PPP1R1A: variants seen among roughly 807,000 people sequenced by gnomAD.
The protein encoded by PPP1R1A is protein phosphatase 1 regulatory inhibitor subunit 1A.
A neutral mutation model predicts 23.9 loss-of-function variants in PPP1R1A; 18 were observed. The ratio of observed to expected loss-of-function variants is 0.75; its 90% CI spans 0.52 to 1.12. The LOEUF is 1.12. Ranked by LOEUF, PPP1R1A falls within the 50% of genes most tolerant of loss-of-function variation. The pLI is 0.00. For missense variants in PPP1R1A, 207 were observed against 223.8 expected (o/e 0.92, Z 0.48); for synonymous variants, 84 against 80.7 (o/e 1.04, Z -0.22).
chr12:54,580,831 T>C (rs1957847752), intron 6 of PPP1R1A, 113 bp downstream of exon 6: 1 of 929,858 alleles, frequency 1.1e-6, no homozygotes, highest in African/African-American at 1.6e-5. Flanking sequence ...TTTTAGGGAC[T>C]GAAGCTGGTT....
In PPP1R1A at chr12:54,581,727, GT is replaced by G. The variant is rs1384654283; in HGVS notation, c.403+248del. On this transcript the variant is annotated intron_variant, in intron 5 of 6. Coordinates refer to ENST00000257905, the MANE Select transcript of PPP1R1A (RefSeq NM_006741.4). The surrounding 1 kb of genome is among the most constrained non-coding windows in gnomAD (Gnocchi z 4.1). ...GTGATTGCTGTTCCCATGAAGGTGG[GT>G]TTCCCCCATGTAGCCACAGTGGGGC... Among the ~76,000 whole-genome samples, 1 of 152,258 alleles carries G rather than the reference GT, an allele frequency of 6.6e-6. No individual in the cohort carries two copies. The highest frequency in any genetic ancestry group is 1.5e-5 in the Non-Finnish European group (1 of 68,048).
chr12:54,583,032 G>A (rs1957872512), intron 3 of PPP1R1A, among the ~76,000 whole-genome samples, 179 bp downstream of exon 3: 1 of 152,222 alleles, frequency 6.6e-6, no homozygotes, highest in African/African-American at 2.4e-5. Context: ...GTGTGTGTAT[G>A]TGAGTGTGTG....
rs529826518 is a variant in PPP1R1A at position 54,580,918 on chromosome 12, C to G, written c.510+26G>C. The G allele has an allele frequency of 1.9e-5, 29 of 1,564,696 alleles. No homozygotes were observed. In the South Asian group the frequency reaches 2.6e-4, roughly 14 times the overall value. Reference sequence around the variant, plus strand: ...CAATATTAGCCTCCTCTCCTATGACCTGGCAGCCCAGCCCTGGGGTCTTAC... The same window carrying G: ...CAATATTAGCCTCCTCTCCTATGACGTGGCAGCCCAGCCCTGGGGTCTTAC... On this transcript the variant is annotated intron_variant, in intron 6 of 6. Coordinates refer to ENST00000257905, the MANE Select transcript of PPP1R1A (RefSeq NM_006741.4).
rs370598469 is a variant in PPP1R1A, at chr12:54,581,767, T to G, written c.403+209A>C. Among the ~76,000 whole-genome samples the G allele has an allele frequency of 6.6e-6, 1 of 152,208 alleles. No homozygotes were observed. Among genetic ancestry groups the G allele is most frequent in the East Asian group, 1.9e-4 (1 of 5,196 alleles). ...CCACAGTGGGGCTCTGAGGTTCAAG[T>G]TGGGAGGGCTTGGTGTCACTCAGTA... On this transcript the variant is annotated intron_variant, in intron 5 of 6. Coordinates refer to ENST00000257905, the MANE Select transcript of PPP1R1A (RefSeq NM_006741.4). This position sits in a 1 kb window ranked among gnomAD's most constrained non-coding sequence, Gnocchi z 4.1.
At chr12:54,588,236 G>A (rs1173471372) in intron 1 of PPP1R1A, among the ~76,000 whole-genome samples, 169 bp downstream of exon 1, 6 of 151,280 alleles carry the variant, frequency 4.0e-5, no homozygotes, top group Non-Finnish European at 7.4e-5. Context: ...TGGCTCCGAC[G>A]GTGGGGGAGG....
At chr12:54,582,246 A>G in intron 4 of PPP1R1A, 115 bp from the exon 5 acceptor site, 1 of 1,123,614 alleles carries the variant, frequency 8.9e-7, no homozygotes, top group South Asian at 1.7e-5. Context: ...TGGGTGTTTG[A>G]CTTTCCCATC....
At position 54,588,529 on chromosome 12, in the gene PPP1R1A, G is replaced by A. The variant is rs1469821974; in HGVS notation, c.-41C>T. On this transcript the variant is annotated 5_prime_UTR_variant, in exon 1 of 7. Transcript: ENST00000257905. ...CGGTGGGCCCGCGCTGCGGCGGGAG[G>A]GAAGGCGGCGGGACTCGGGGCTGGG... 3 of 1,264,542 alleles carry A rather than the reference G, an allele frequency of 2.4e-6. No individual in the cohort carries two copies. The African/African-American group carries it at 4.7e-5, about 20-fold the overall frequency. 78.3% of individuals were successfully genotyped at this position (1,264,542 alleles called of 1,614,324 possible).
At position 54,580,208 on chromosome 12, in the gene PPP1R1A, G is replaced by A; in HGVS notation, c.*179C>T. The A allele has an allele frequency of 7.0e-7, 1 of 1,422,156 alleles. No individual in the cohort carries two copies. The highest frequency in any genetic ancestry group is 2.6e-5 in the East Asian group (1 of 37,822). 88.1% of individuals were successfully genotyped at this position (1,422,156 alleles called of 1,614,324 possible). A position where few individuals can be genotyped will look rare whatever the true frequency, so the allele number is the denominator to read the frequency against. ...GGGGGCTACAGAGAGGGCAGGGCAA[G>A]AAGGCAGGGAGAAAGGATTCTCCCA... On this transcript the variant is annotated 3_prime_UTR_variant, in exon 7 of 7. Coordinates refer to ENST00000257905, the MANE Select transcript of PPP1R1A (RefSeq NM_006741.4).
Position 54,580,163 on chromosome 12 carries a change from A to G in PPP1R1A, c.*224T>C. 1 of 1,351,696 alleles carries G rather than the reference A, an allele frequency of 7.4e-7. No homozygotes were observed. The highest frequency in any genetic ancestry group is 9.5e-7 in the Non-Finnish European group (1 of 1,048,562). The allele number at this position is 1,351,696 out of a possible 1,614,324, so 83.7% of individuals were successfully genotyped here. A position where few individuals can be genotyped will look rare whatever the true frequency, so the allele number is the denominator to read the frequency against. On this transcript the variant is annotated 3_prime_UTR_variant, in exon 7 of 7. Transcript: ENST00000257905. Reference sequence around the variant, plus strand: ...CTAGCTCCTGTTTCTTCCTTCCCAGAGGCAGCTTGGCAGGAGGGTGGGGGC... The same window carrying G: ...CTAGCTCCTGTTTCTTCCTTCCCAGGGGCAGCTTGGCAGGAGGGTGGGGGC...
At chr12:54,584,206 G>T in intron 2 of PPP1R1A, 54 bp downstream of exon 2, 1 of 1,478,960 alleles carries the variant, frequency 6.8e-7, no homozygotes, top group Non-Finnish European at 9.3e-7. Context: ...TTCTCATTGG[G>T]ACCTGCTGCC....
Position 54,580,231 on chromosome 12 carries a change from C to A in PPP1R1A, c.*156G>T. ...AAGAAGGCAGGGAGAAAGGATTCTC[C>A]CAGTTGGAAAAGAAGGAAAGTGCCA... On this transcript the variant is annotated 3_prime_UTR_variant, in exon 7 of 7. Transcript: ENST00000257905. The A allele has an allele frequency of 6.9e-7, 1 of 1,446,728 alleles. No homozygotes were observed. Among genetic ancestry groups the A allele is most frequent in the Non-Finnish European group, 9.1e-7 (1 of 1,094,702 alleles). 89.6% of individuals were successfully genotyped at this position (1,446,728 alleles called of 1,614,324 possible). A position where few individuals can be genotyped will look rare whatever the true frequency, so the allele number is the denominator to read the frequency against.
At chr12:54,584,996 G>C (rs1027258220) in intron 1 of PPP1R1A, among the ~76,000 whole-genome samples, 1 of 152,096 alleles carries the variant, frequency 6.6e-6, no homozygotes, top group Non-Finnish European at 1.5e-5. Flanking sequence ...AACTTAAGAG[G>C]GCACAGGGCT....
intron 2 of PPP1R1A, among the ~76,000 whole-genome samples, chr12:54,583,492 C>T (rs1957878831): frequency 6.6e-6 from 1 of 152,226 alleles, no homozygotes; most frequent in South Asian, 2.1e-4. Flanking sequence ...CAATTTGCGT[C>T]TGCATCTTTG....
intron 2 of PPP1R1A, among the ~76,000 whole-genome samples, chr12:54,583,892 G>T (rs1272809933): frequency 1.3e-5 from 2 of 152,286 alleles, no homozygotes; most frequent in East Asian, 1.9e-4. Context: ...CCCTCTGGGG[G>T]CTGTGAAGAG....
At position 54,581,934 on chromosome 12, in the gene PPP1R1A, T is replaced by C. The variant is rs1957858812; in HGVS notation, c.403+42A>G. ...GGGTAAGGCTTGCCTCCTGCTGGGCTGGGAAATAGGATGCCTGGGGCCCTC... is the reference window on the plus strand; with the variant it reads ...GGGTAAGGCTTGCCTCCTGCTGGGCCGGGAAATAGGATGCCTGGGGCCCTC... On this transcript the variant is annotated intron_variant, in intron 5 of 6. Coordinates refer to ENST00000257905, the MANE Select transcript of PPP1R1A (RefSeq NM_006741.4). The surrounding 1 kb of genome is among the most constrained non-coding windows in gnomAD (Gnocchi z 4.1). 1 of 1,575,826 alleles carries C rather than the reference T, an allele frequency of 6.3e-7. No homozygotes were observed. The highest frequency in any genetic ancestry group is 8.6e-7 in the Non-Finnish European group (1 of 1,159,790).
rs774295093 is a variant in PPP1R1A, at chr12:54,582,143, G to C, written c.248-12C>G. ...CATCATCTGGAGCTCTGGGGACACA[G>C]AGAAAGGGAGGGAACACTGGATATG... is the stretch of plus-strand genomic sequence containing the variant. On this transcript the variant is annotated splice_polypyrimidine_tract_variant and intron_variant, in intron 4 of 6. Transcript: ENST00000257905. The C allele has an allele frequency of 1.2e-6, 2 of 1,609,434 alleles. No homozygotes were observed. The highest frequency in any genetic ancestry group is 1.1e-5 in the South Asian group (1 of 90,292).
At position 54,582,738 on chromosome 12, in the gene PPP1R1A, T is replaced by C. The variant is rs1272239340; in HGVS notation, c.241A>G (p.Met81Val). The C allele has an allele frequency of 1.2e-6, 2 of 1,613,774 alleles. No individual in the cohort carries two copies. The highest frequency in any genetic ancestry group is 1.7e-5 in the Admixed American group (1 of 60,020). The change falls in exon 4 of 7, where the codon ATG becomes GTG. Residue 81 changes from methionine (M) to valine (V), a missense_variant. By Grantham distance (21) the Met-to-Val change is conservative (BLOSUM62 1). Coordinates refer to ENST00000257905, the MANE Select transcript of PPP1R1A (RefSeq NM_006741.4). ...TGGGAGGGGTCTTGCAAACCTTTCATTGTGGGTGTGATCCTTGTCATCTTC... is the reference window on the plus strand; with the variant it reads ...TGGGAGGGGTCTTGCAAACCTTTCACTGTGGGTGTGATCCTTGTCATCTTC... ...RKKMTRITPT[M>V]KELQMMVEHH...
At chr12:54,587,214 T>C (rs1957919078) in intron 1 of PPP1R1A, among the ~76,000 whole-genome samples, 1 of 152,172 alleles carries the variant, frequency 6.6e-6, no homozygotes, top group Non-Finnish European at 1.5e-5. Context: ...TCAGACCTTA[T>C]TCTACCAAAC....
At chr12:54,587,890 A>C (rs1183638158) in intron 1 of PPP1R1A, among the ~76,000 whole-genome samples, 1 of 151,878 alleles carries the variant, frequency 6.6e-6, no homozygotes, top group Non-Finnish European at 1.5e-5. Flanking sequence ...TCACTTTCGG[A>C]GCCCAGCAAG....
Sources: allele counts gnomAD v4.1 joint callset (sites outside exome capture counted in the v4.1 genomes callset), GRCh38; gene constraint gnomAD v4.1.1; non-coding constraint Gnocchi (gnomAD v3.1); transcripts MANE v1.5; gene names NCBI Gene and HGNC (gene_info 2026-07-23, HGNC 2026-07-21).